Variants in SDC2 observed in about 807,000 individuals in gnomAD.
SDC2 encodes the protein syndecan-2.
A neutral mutation model predicts 22.2 loss-of-function variants in SDC2; 13 were observed. The ratio of observed to expected loss-of-function variants is 0.59; its 90% confidence interval spans 0.38 to 0.93. The LOEUF is 0.93. Among genes scored for constraint, SDC2 ranks in the 40% least tolerant of loss-of-function variants. SDC2 has a pLI of 0.00. For synonymous variants in SDC2, 94 were observed against 92.8 expected, an observed-to-expected ratio of 1.01 and a Z score of -0.07; for missense variants, 235 against 246.8, an observed-to-expected ratio of 0.95 and a Z score of 0.32.
chr8:96,537,383 T>C (rs991011777), intron 1 of SDC2: 1 of 152,198 alleles, frequency 6.6e-6, no homozygotes, highest in Admixed American at 6.5e-5. Flanking sequence ...TTGAATTGCT[T>C]GGGATCCCAA....
intron 1 of SDC2, among the ~76,000 whole-genome samples, chr8:96,508,307 A>ATAATAG (rs1386179735): frequency 3.9e-5 from 2 of 51,930 alleles, no homozygotes; most frequent in East Asian, 1.2e-3. Context: ...AATAATAATA[A>ATAATAG]TAATAATAAT....
At chr8:96,533,135 A>T (rs927929822) in intron 1 of SDC2, among the ~76,000 whole-genome samples, 2 of 152,018 alleles carry the variant, frequency 1.3e-5, no homozygotes, top group African/African-American at 4.8e-5. Flanking sequence ...CTTCGTGGTG[A>T]GTGTTACAGC....
intron 1 of SDC2, among the ~76,000 whole-genome samples, chr8:96,523,195 A>G (rs1412926075): frequency 6.6e-6 from 1 of 152,192 alleles, no homozygotes; most frequent in East Asian, 1.9e-4. Flanking sequence ...ATTGCTGAGC[A>G]TCTAAAATCC....
intron 1 of SDC2, among the ~76,000 whole-genome samples, chr8:96,572,223 T>C (rs925740610): frequency 6.6e-6 from 1 of 152,238 alleles, no homozygotes; most frequent in Non-Finnish European, 1.5e-5. Context: ...TAGTGGTTTT[T>C]GACTCCAGAA....
At chr8:96,546,955 G>A (rs1222784347) in intron 1 of SDC2, among the ~76,000 whole-genome samples, 6 of 152,182 alleles carry the variant, frequency 3.9e-5, no homozygotes. Flanking sequence ...AGAGCATCCT[G>A]CTGTGAATTC....
intron 1 of SDC2, among the ~76,000 whole-genome samples, chr8:96,500,045 C>T (rs1813138169): frequency 6.6e-6 from 1 of 152,186 alleles, no homozygotes; most frequent in African/African-American, 2.4e-5. Context: ...GGTTCAGGGT[C>T]AACTGAATAC....
At chr8:96,504,864 AAG>A (rs1356741328) in intron 1 of SDC2, among the ~76,000 whole-genome samples, 1 of 152,092 alleles carries the variant, frequency 6.6e-6, no homozygotes, top group Admixed American at 6.5e-5. Flanking sequence ...TGAGTCCGAA[AAG>A]AGAGTCAGCG....
chr8:96,608,292 A>G, intron 3 of SDC2, 43 bp from the exon 4 acceptor site: 2 of 1,583,894 alleles, frequency 1.3e-6, no homozygotes, highest in African/African-American at 1.4e-5. Context: ...TTTCCAACAC[A>G]TTTCCTTAAA....
At chr8:96,500,476 A>T (rs1044485142) in intron 1 of SDC2, among the ~76,000 whole-genome samples, 3 of 152,074 alleles carry the variant, frequency 2.0e-5, no homozygotes, top group African/African-American at 7.2e-5. Context: ...AGCCTGGCCA[A>T]CATGGTGAAA....
chr8:96,502,243 G>T (rs1345647324), intron 1 of SDC2, among the ~76,000 whole-genome samples: 1 of 152,126 alleles, frequency 6.6e-6, no homozygotes, highest in African/African-American at 2.4e-5. Context: ...GAAACCACCA[G>T]ATCTTGTGAG....
At chr8:96,517,763 G>A (rs1405767144) in intron 1 of SDC2, among the ~76,000 whole-genome samples, 1 of 91,608 alleles carries the variant, frequency 1.1e-5, no homozygotes, top group Non-Finnish European at 2.2e-5. Flanking sequence ...ACACGTTTGT[G>A]TGTGTGCATG....
chr8:96,603,717 C>T (rs1038371282), intron 3 of SDC2, among the ~76,000 whole-genome samples: 1 of 152,150 alleles, frequency 6.6e-6, no homozygotes, highest in Non-Finnish European at 1.5e-5. Flanking sequence ...TGGTGAATGG[C>T]ACCGCTGGAT....
chr8:96,519,192 A>ACCCAGAGTG (rs1813455763), intron 1 of SDC2, among the ~76,000 whole-genome samples: 1 of 152,204 alleles, frequency 6.6e-6, no homozygotes, highest in East Asian at 1.9e-4. Context: ...ATGGAGGCCG[A>ACCCAGAGTG]CCCAGAGTGC....
Position 96,540,509 on chromosome 8 carries a change from CA to C in SDC2, c.60+46192del, listed in dbSNP as rs537444852. 2.7e-3 allele frequency among the ~76,000 whole-genome samples: 361 copies of C among 133,350 alleles called. 3 individuals carry two copies. The highest frequency in any genetic ancestry group is 7.1e-3 in the African/African-American group (255 of 35,736). The allele number at this position is 133,350 out of a possible 152,430, so 87.5% of individuals were successfully genotyped here. ...CTGGGTGACAGTGAGACCCCGCCTC[CA>C]AAAAAAAAAAAAATCTGTATGGTAA... On this transcript the variant is annotated intron_variant, in intron 1 of 4. Transcript: ENST00000302190.
chr8:96,594,671 C>T (rs1455834043), intron 2 of SDC2, among the ~76,000 whole-genome samples: 1 of 152,110 alleles, frequency 6.6e-6, no homozygotes, highest in Non-Finnish European at 1.5e-5. Flanking sequence ...CAGAATGGCC[C>T]CTGTATGAGT....
intron 1 of SDC2, among the ~76,000 whole-genome samples, chr8:96,535,822 AAG>A (rs1813745845): frequency 2.0e-5 from 3 of 152,230 alleles, no homozygotes; most frequent in African/African-American, 7.2e-5. Flanking sequence ...GAACAGAACA[AAG>A]AAGCCTGCCT....
intron 1 of SDC2, chr8:96,580,325 A>T: frequency 1.1e-6 from 1 of 934,654 alleles, no homozygotes; most frequent in Non-Finnish European, 1.3e-6. Context: ...AAGGTTAAGC[A>T]GCAGGAAGGG....
At chr8:96,521,471 G>C (rs1257718485) in intron 1 of SDC2, among the ~76,000 whole-genome samples, 1 of 152,160 alleles carries the variant, frequency 6.6e-6, no homozygotes, top group East Asian at 1.9e-4. Context: ...TTCAACCATG[G>C]CGATGTCTGG....
chr8:96,538,865 A>G (rs1324845103), intron 1 of SDC2: 1 of 152,148 alleles, frequency 6.6e-6, no homozygotes, highest in African/African-American at 2.4e-5. Flanking sequence ...TCCACTAATC[A>G]AGGCGTTGCC....
Sources: allele counts gnomAD v4.1 joint callset (sites outside exome capture counted in the v4.1 genomes callset), GRCh38; gene constraint gnomAD v4.1.1; transcripts MANE v1.5; gene names NCBI Gene and HGNC (gene_info 2026-07-23, HGNC 2026-07-21).